The following ZNF423 variants were observed in gnomAD, a reference collection of about 807,000 sequenced individuals.
ZNF423 encodes Ebf-associated zinc finger protein.
A neutral mutation model predicts 95.8 loss-of-function variants in ZNF423; 12 were observed. The ratio of observed to expected loss-of-function variants is 0.13; its 90% CI spans 0.08 to 0.20. The LOEUF is 0.20. Ranked by LOEUF, ZNF423 falls within the 10% of genes least tolerant of loss-of-function variation. The probability of loss-of-function intolerance (pLI) is 1.00; values close to 1 mark genes in which losing one functional copy is unlikely to be tolerated. For missense variants in ZNF423, 1,316 were observed against 1,737.1 expected, an observed-to-expected ratio of 0.76 and a Z score of 4.31; for synonymous variants, 749 against 711.9, an observed-to-expected ratio of 1.05 and a Z score of -0.83.
At position 49,855,108 on chromosome 16, in the gene ZNF423, G is replaced by A. The variant is rs2035345964; in HGVS notation, c.40+627C>T. 1 of 941,922 alleles carries A rather than the reference G, an allele frequency of 1.1e-6. No individual in the cohort carries two copies. The highest frequency in any genetic ancestry group is 1.3e-6 in the Non-Finnish European group (1 of 790,964). 58.3% of individuals were successfully genotyped at this position (941,922 alleles called of 1,614,324 possible). A position where few individuals can be genotyped will look rare whatever the true frequency, so the allele number is the denominator to read the frequency against. ...CGGTGGAGGAGGCAGGAAGTGCAGG[G>A]GCCCGGGCCGGGAGAAGGCCTGGGC... On this transcript the variant is annotated intron_variant, in intron 1 of 7. Transcript: ENST00000563137. This position sits in a 1 kb window ranked among gnomAD's most constrained non-coding sequence, Gnocchi z 4.7.
At chr16:49,854,642 C>T (rs892236080) in intron 1 of ZNF423, 1 of 985,266 alleles carries the variant, frequency 1.0e-6, no homozygotes. Context: ...GGCACCCAAC[C>T]GAGGGGCTAG....
intron 5 of ZNF423, among the ~76,000 whole-genome samples, chr16:49,596,267 C>G (rs987496600): frequency 2.0e-5 from 3 of 152,150 alleles, no homozygotes; most frequent in African/African-American, 7.2e-5. Context: ...CAAAGGAGCA[C>G]GGGCTTTGAA....
chr16:49,530,908 G>A (rs1354836511), intron 5 of ZNF423, among the ~76,000 whole-genome samples: 1 of 152,174 alleles, frequency 6.6e-6, no homozygotes, highest in East Asian at 1.9e-4. Context: ...TCAAGAAACA[G>A]CCACAAGACC....
intron 7 of ZNF423, among the ~76,000 whole-genome samples, chr16:49,508,770 C>G (rs1035504132): frequency 6.6e-6 from 1 of 152,134 alleles, no homozygotes; most frequent in East Asian, 1.9e-4. Flanking sequence ...AAATCCCCTC[C>G]CTGCCCTAGA....
At chr16:49,641,741 T>A (rs1274875267) in intron 3 of ZNF423, among the ~76,000 whole-genome samples, 1 of 152,148 alleles carries the variant, frequency 6.6e-6, no homozygotes. Flanking sequence ...GAGGAGTGGA[T>A]GAGAAAAACT....
At chr16:49,787,008 T>C (rs1031862479) in intron 2 of ZNF423, among the ~76,000 whole-genome samples, 6 of 152,132 alleles carry the variant, frequency 3.9e-5, no homozygotes, top group African/African-American at 1.2e-4. Context: ...ATTATGGAGC[T>C]GCTGCTGGAA....
intron 3 of ZNF423, among the ~76,000 whole-genome samples, chr16:49,722,600 G>A (rs994872125): frequency 1.3e-5 from 2 of 152,182 alleles, no homozygotes; most frequent in Non-Finnish European, 2.9e-5. Context: ...CATTAATTGA[G>A]GACCTACTAT....
chr16:49,705,422 G>A lies in ZNF423; in HGVS notation c.301+25349C>T, dbSNP rs2032317416. Among the ~76,000 whole-genome samples, 5 of 152,334 alleles carry A rather than the reference G, an allele frequency of 3.3e-5. 1 individual carries two copies. In the South Asian group the frequency reaches 8.3e-4, roughly 25 times the overall value. On this transcript the variant is annotated intron_variant, in intron 3 of 7. Coordinates refer to ENST00000563137, the MANE Select transcript of ZNF423 (RefSeq NM_001379286.1). ...CCTATGGGTAAACAAAAACAAAGCA[G>A]ATTGCAGAACAAGAATGTGGATGGA...
chr16:49,589,541 T>C (rs1050004514), intron 5 of ZNF423, among the ~76,000 whole-genome samples: 3 of 152,160 alleles, frequency 2.0e-5, no homozygotes, highest in Non-Finnish European at 4.4e-5. Flanking sequence ...GAATATATGC[T>C]TCATAGCTTC....
At chr16:49,497,059 C>A (rs1036602069) in intron 7 of ZNF423, among the ~76,000 whole-genome samples, 2 of 152,202 alleles carry the variant, frequency 1.3e-5, no homozygotes, top group Non-Finnish European at 2.9e-5. Context: ...ATAATCCCCC[C>A]TGGCTAGAAC....
chr16:49,677,297 A>AGAAGAGAAGGGAAGG (rs2031127681), intron 3 of ZNF423, among the ~76,000 whole-genome samples: 1 of 78,270 alleles, frequency 1.3e-5, no homozygotes, highest in Non-Finnish European at 2.6e-5. Context: ...AGAAGAGAAG[A>AGAAGAGAAGGGAAGG]GAAGAGAAGA....
chr16:49,783,830 C>G (rs532844757), intron 2 of ZNF423, among the ~76,000 whole-genome samples: 1 of 151,678 alleles, frequency 6.6e-6, no homozygotes, highest in African/African-American at 2.4e-5. Context: ...ATTAGCTGGG[C>G]GTGATGGCAC....
At chr16:49,571,384 C>A (rs1432359856) in intron 5 of ZNF423, among the ~76,000 whole-genome samples, 3 of 152,032 alleles carry the variant, frequency 2.0e-5, no homozygotes, top group African/African-American at 7.3e-5. Flanking sequence ...GAGATGGATG[C>A]CCAGGAGGGT....
intron 5 of ZNF423, among the ~76,000 whole-genome samples, chr16:49,591,691 T>C (rs954015988): frequency 6.6e-6 from 1 of 152,298 alleles, no homozygotes; most frequent in Middle Eastern, 3.4e-3. Context: ...CTGTGCATTA[T>C]AACTCCACTG....
At chr16:49,564,172 A>G (rs1213850192) in intron 5 of ZNF423, among the ~76,000 whole-genome samples, 1 of 152,256 alleles carries the variant, frequency 6.6e-6, no homozygotes, top group East Asian at 1.9e-4. Context: ...ATGTACCACA[A>G]ACGCCACTGC....
chr16:49,596,798 AG>A (rs1177449324), intron 5 of ZNF423, among the ~76,000 whole-genome samples: 1 of 152,120 alleles, frequency 6.6e-6, no homozygotes, highest in East Asian at 1.9e-4. Context: ...TGTGCAGAGG[AG>A]GGGGATGTCA....
chr16:49,701,561 G>T (rs2032184965), intron 3 of ZNF423, among the ~76,000 whole-genome samples: 1 of 152,062 alleles, frequency 6.6e-6, no homozygotes, highest in Non-Finnish European at 1.5e-5. Context: ...CGCTACAGGA[G>T]CTTAACAGCT....
At chr16:49,743,662 A>C (rs924956048) in intron 2 of ZNF423, among the ~76,000 whole-genome samples, 2 of 151,296 alleles carry the variant, frequency 1.3e-5, no homozygotes, top group Non-Finnish European at 2.9e-5. Context: ...GGCTCAAGGG[A>C]CTCCCCAGAC....
intron 7 of ZNF423, among the ~76,000 whole-genome samples, chr16:49,494,001 T>C (rs1382386028): frequency 2.0e-5 from 3 of 152,170 alleles, no homozygotes; most frequent in Non-Finnish European, 4.4e-5. Flanking sequence ...ACTACCAACA[T>C]GGGCACAGGG....
Sources: allele counts gnomAD v4.1 joint callset (sites outside exome capture counted in the v4.1 genomes callset), GRCh38; gene constraint gnomAD v4.1.1; non-coding constraint Gnocchi (gnomAD v3.1); transcripts MANE v1.5; gene names NCBI Gene and HGNC (gene_info 2026-07-23, HGNC 2026-07-21).